XPR1: variants seen among roughly 807,000 people sequenced by gnomAD.
XPR1 encodes xenotropic and polytropic retrovirus receptor 1, also known as solute carrier family 53 member 1.
A neutral mutation model predicts 87.5 loss-of-function variants in XPR1; 28 were observed. The observed-to-expected ratio is 0.32, with a 90% CI of 0.24 to 0.44. The LOEUF (loss-of-function observed/expected upper bound fraction) is 0.44. Among genes scored for constraint, XPR1 ranks in the 20% least tolerant of loss-of-function variants. The pLI is 1.00. For missense variants in XPR1, 559 were observed against 862.3 expected (o/e 0.65, Z 4.41); for synonymous variants, 300 against 306.1 (o/e 0.98, Z 0.21).
chr1:180,780,814 C>T (rs1319367734), intron 2 of XPR1, among the ~76,000 whole-genome samples: 3 of 150,230 alleles, frequency 2.0e-5, no homozygotes, highest in Non-Finnish European at 4.4e-5. Context: ...CTTTTGTATT[C>T]TGGATACTAA....
In XPR1 at chr1:180,787,763, G is replaced by A. The variant is rs749990921; in HGVS notation, c.132G>A (p.Glu44=). 2 of 1,608,632 alleles carry A rather than the reference G, an allele frequency of 1.2e-6. No homozygotes were observed. The highest frequency in any genetic ancestry group is 8.5e-7 in the Non-Finnish European group (1 of 1,177,792). The change falls in exon 3 of 15, where the codon GAG becomes GAA. Residue 44 remains glutamate, a synonymous_variant. Coordinates refer to ENST00000367590, the MANE Select transcript of XPR1 (RefSeq NM_004736.4). The part of the protein sequence containing the change: ...DQAPSVEVTD[E]DTVKRYFAKF... ...TTTCCTGTCTTTCAGTTACAGATGAGGACACAGTAAAGAGGTATTTTGCCA... is the reference window on the plus strand; with the variant it reads ...TTTCCTGTCTTTCAGTTACAGATGAAGACACAGTAAAGAGGTATTTTGCCA...
At chr1:180,831,362 CTTTT>C (rs753235095) in intron 9 of XPR1, among the ~76,000 whole-genome samples, 2 of 115,484 alleles carry the variant, frequency 1.7e-5, no homozygotes, top group African/African-American at 6.3e-5. Context: ...TTTTCTTTTT[CTTTT>C]TTTTTTTTTT....
intron 2 of XPR1, among the ~76,000 whole-genome samples, chr1:180,781,083 G>C (rs1648917180): frequency 6.6e-6 from 1 of 151,530 alleles, no homozygotes; most frequent in African/African-American, 2.4e-5. Flanking sequence ...TTAGGTCTTT[G>C]ATCACTTTTG....
At chr1:180,861,995 A>AG (rs762400409) in intron 11 of XPR1, among the ~76,000 whole-genome samples, 1 of 152,138 alleles carries the variant, frequency 6.6e-6, no homozygotes, top group Non-Finnish European at 1.5e-5. Flanking sequence ...AAAATTAAAA[A>AG]GTAATGAATT....
At chr1:180,659,069 A>T (rs1164790793) in intron 1 of XPR1, among the ~76,000 whole-genome samples, 1 of 151,368 alleles carries the variant, frequency 6.6e-6, no homozygotes, top group African/African-American at 2.4e-5. Context: ...GCCTGTAGCC[A>T]GTCTTCCTTC....
intron 1 of XPR1, among the ~76,000 whole-genome samples, chr1:180,671,704 A>G (rs10914063): frequency 0.043 from 6,523 of 152,096 alleles, 500 homozygotes; most frequent in African/African-American, 0.15. Context: ...TAGTAGAGAC[A>G]GGGTCTCACC....
intron 1 of XPR1, among the ~76,000 whole-genome samples, chr1:180,673,048 A>G (rs1476748755): frequency 6.6e-6 from 1 of 152,174 alleles, no homozygotes; most frequent in African/African-American, 2.4e-5. Context: ...AACAGTAGAC[A>G]TTTTGTTGAT....
intron 2 of XPR1, among the ~76,000 whole-genome samples, chr1:180,699,620 G>C (rs1657290405): frequency 9.0e-6 from 1 of 111,412 alleles, no homozygotes; most frequent in Non-Finnish European, 1.7e-5. Context: ...ATCATTGTTG[G>C]ACATTTGGGT....
chr1:180,861,459 T>C (rs12566450), intron 11 of XPR1, among the ~76,000 whole-genome samples: 33,931 of 151,962 alleles, frequency 0.22, 3,903 homozygotes, highest in Middle Eastern at 0.28. Context: ...TATCTGCACA[T>C]AGAATGAAAT....
chr1:180,673,035 C>T (rs998548603), intron 1 of XPR1, among the ~76,000 whole-genome samples: 2 of 152,096 alleles, frequency 1.3e-5, no homozygotes, highest in African/African-American at 4.8e-5. Context: ...ATGAGAGCAA[C>T]ATAACAGTAG....
In XPR1 at chr1:180,632,056, T is replaced by A; in HGVS notation, c.-146T>A. On this transcript the variant is annotated 5_prime_UTR_variant, in exon 1 of 15. Coordinates refer to ENST00000367590, the MANE Select transcript of XPR1 (RefSeq NM_004736.4). ...AGGAGGAAGATGGCGGGCGGGCTGC[T>A]CTGAAGAGACCTCGGCGGCGGCGGA... 1.1e-6 allele frequency: 1 copy of A among 905,920 alleles called. No homozygotes were observed. Among genetic ancestry groups the A allele is most frequent in the Non-Finnish European group, 1.8e-6 (1 of 564,906 alleles). 56.1% of individuals were successfully genotyped at this position (905,920 alleles called of 1,614,324 possible). A position where few individuals can be genotyped will look rare whatever the true frequency, so the allele number is the denominator to read the frequency against.
intron 1 of XPR1, among the ~76,000 whole-genome samples, chr1:180,654,254 A>G (rs1284680425): frequency 6.6e-6 from 1 of 151,828 alleles, no homozygotes; most frequent in East Asian, 1.9e-4. Context: ...CCATCACTCT[A>G]CTAAAACTAC....
At chr1:180,853,775 A>G (rs920636095) in intron 11 of XPR1, among the ~76,000 whole-genome samples, 5 of 146,356 alleles carry the variant, frequency 3.4e-5, no homozygotes, top group Admixed American at 2.8e-4. Flanking sequence ...GGCACAAATA[A>G]TAGTGCATTC....
chr1:180,855,798 C>G (rs1652009443), intron 11 of XPR1, among the ~76,000 whole-genome samples: 1 of 152,118 alleles, frequency 6.6e-6, no homozygotes, highest in South Asian at 2.1e-4. Flanking sequence ...AAAATTGAGG[C>G]TATCAGGAAT....
chr1:180,799,940 A>G (rs1649720537), intron 3 of XPR1, among the ~76,000 whole-genome samples: 1 of 152,234 alleles, frequency 6.6e-6, no homozygotes, highest in Admixed American at 6.5e-5. Flanking sequence ...CAAATGAGTT[A>G]AGAGAGGATG....
At chr1:180,843,838 C>T (rs1651594093) in intron 11 of XPR1, among the ~76,000 whole-genome samples, 1 of 152,106 alleles carries the variant, frequency 6.6e-6, no homozygotes, top group African/African-American at 2.4e-5. Flanking sequence ...GCATTTGTAA[C>T]ACTCGTGTAC....
intron 2 of XPR1, among the ~76,000 whole-genome samples, chr1:180,711,325 T>C (rs113748690): frequency 0.043 from 6,474 of 152,132 alleles, 461 homozygotes; most frequent in African/African-American, 0.15. Context: ...CTGGGCAACA[T>C]TGAGCACTGA....
At chr1:180,705,222 T>G (rs182040034) in intron 2 of XPR1, among the ~76,000 whole-genome samples, 1 of 152,146 alleles carries the variant, frequency 6.6e-6, no homozygotes, top group Non-Finnish European at 1.5e-5. Flanking sequence ...TATTGAAGGT[T>G]GAAAGGTGAA....
chr1:180,649,878 GTCC>G (rs1176427063), intron 1 of XPR1, among the ~76,000 whole-genome samples: 1 of 152,098 alleles, frequency 6.6e-6, no homozygotes, highest in African/African-American at 2.4e-5. Flanking sequence ...TCTTCGGCCA[GTCC>G]TCCTATATTT....
Sources: gnomAD v4.1 joint callset for allele counts (sites outside exome capture counted in the v4.1 genomes callset) on GRCh38, gnomAD v4.1.1 for gene constraint, MANE v1.5 for transcripts, NCBI Gene and HGNC (gene_info 2026-07-23, HGNC 2026-07-21) for gene names.